Variants in CDH18 observed in about 807,000 individuals in gnomAD.
CDH18 encodes the protein cadherin 18.
In CDH18, 31 loss-of-function variants were observed where a neutral mutation model predicts 67.9. The ratio of observed to expected loss-of-function variants is 0.46; its 90% confidence interval spans 0.34 to 0.62. CDH18 has a LOEUF of 0.62. Ranked by LOEUF, CDH18 falls within the 20% of genes least tolerant of loss-of-function variation. The pLI is 0.01. For synonymous variants in CDH18, 362 were observed against 347.2 expected (o/e 1.04, Z -0.48); for missense variants, 890 against 975.5 (o/e 0.91, Z 1.17).
intron 2 of CDH18, among the ~76,000 whole-genome samples, chr5:19,900,525 AAT>A (rs1351083896): frequency 6.6e-6 from 1 of 152,178 alleles, no homozygotes; most frequent in Non-Finnish European, 1.5e-5. Flanking sequence ...ACAATTACAC[AAT>A]GTGTACATGT....
At chr5:20,484,777 G>A (rs1753057232) in intron 1 of CDH18, among the ~76,000 whole-genome samples, 2 of 152,054 alleles carry the variant, frequency 1.3e-5, no homozygotes, top group African/African-American at 2.4e-5. Flanking sequence ...ATAGAGAGTA[G>A]AACGATGGTT....
intron 4 of CDH18, among the ~76,000 whole-genome samples, chr5:19,724,810 G>T (rs553045631): frequency 1.3e-5 from 2 of 151,990 alleles, no homozygotes; most frequent in Admixed American, 1.3e-4. Flanking sequence ...TCAATATACC[G>T]CTAACCTTTC....
intron 6 of CDH18, among the ~76,000 whole-genome samples, chr5:19,592,271 G>A (rs1362845404): frequency 6.6e-6 from 1 of 151,944 alleles, no homozygotes; most frequent in East Asian, 1.9e-4. Context: ...TGTCTAATAG[G>A]TACAAAGATC....
intron 2 of CDH18, among the ~76,000 whole-genome samples, chr5:20,169,983 T>A (rs934613711): frequency 1.2e-4 from 19 of 152,100 alleles, no homozygotes; most frequent in Non-Finnish European, 1.3e-4. Flanking sequence ...AATTTTAGTG[T>A]TAAATTTTAA....
At chr5:20,546,602 C>T (rs1322479974) in intron 1 of CDH18, among the ~76,000 whole-genome samples, 6 of 152,068 alleles carry the variant, frequency 3.9e-5, no homozygotes, top group African/African-American at 1.4e-4. Flanking sequence ...CGCGATAACT[C>T]ACTCACTATC....
At chr5:20,328,207 G>T (rs1004209153) in intron 1 of CDH18, among the ~76,000 whole-genome samples, 1 of 152,130 alleles carries the variant, frequency 6.6e-6, no homozygotes, top group Non-Finnish European at 1.5e-5. Context: ...GGTTCATTCT[G>T]CCTAGCACAA....
intron 2 of CDH18, among the ~76,000 whole-genome samples, chr5:20,038,461 C>T (rs921041371): frequency 5.3e-5 from 8 of 152,066 alleles, no homozygotes; most frequent in Non-Finnish European, 8.8e-5. Context: ...ATACTGACAA[C>T]CCAAATCCAG....
intron 3 of CDH18, among the ~76,000 whole-genome samples, chr5:19,755,709 C>A (rs981398578): frequency 1.3e-5 from 2 of 151,304 alleles, no homozygotes; most frequent in African/African-American, 4.8e-5. Context: ...AGCTGAGGAG[C>A]AAGGAGAGCC....
intron 3 of CDH18, among the ~76,000 whole-genome samples, chr5:19,821,779 A>G (rs1222177235): frequency 6.6e-6 from 1 of 152,194 alleles, no homozygotes; most frequent in Non-Finnish European, 1.5e-5. Context: ...CAGAAACCTT[A>G]CAAGCCTGAA....
At chr5:20,562,375 T>C (rs1758269729) in intron 1 of CDH18, among the ~76,000 whole-genome samples, 1 of 151,716 alleles carries the variant, frequency 6.6e-6, no homozygotes, top group South Asian at 2.1e-4. Context: ...CATGAGAATA[T>C]TTGAGAAAAC....
At chr5:20,554,280 C>T (rs540487799) in intron 1 of CDH18, among the ~76,000 whole-genome samples, 3 of 152,254 alleles carry the variant, frequency 2.0e-5, no homozygotes, top group African/African-American at 7.2e-5. Flanking sequence ...CCAGGTTTGA[C>T]CCAAGGGTCA....
rs1750085017 is a variant in CDH18 at position 19,540,463 on chromosome 5, C to T, written c.1390+3406G>A. ...CCACTAGGCAGCGCCCCAGTGGAAA[C>T]TCTGTGTGGGGGCTTGCACCTCACG... On this transcript the variant is annotated intron_variant, in intron 9 of 12. Transcript: ENST00000382275. 2.0e-5 allele frequency among the ~76,000 whole-genome samples: 3 copies of T among 152,264 alleles called. No homozygotes were observed. The South Asian group carries it at 6.2e-4, about 32-fold the overall frequency.
At chr5:19,949,430 A>G (rs1795580696) in intron 2 of CDH18, among the ~76,000 whole-genome samples, 1 of 152,152 alleles carries the variant, frequency 6.6e-6, no homozygotes, top group Non-Finnish European at 1.5e-5. Flanking sequence ...AACAATATAT[A>G]AAGCAGACTG....
At chr5:19,547,737 G>C (rs1736590360) in intron 8 of CDH18, among the ~76,000 whole-genome samples, 1 of 152,270 alleles carries the variant, frequency 6.6e-6, no homozygotes, top group Middle Eastern at 3.4e-3. Flanking sequence ...TTGCTTCCGA[G>C]TTTCCTAAGC....
chr5:19,955,473 C>A (rs952093011), intron 2 of CDH18, among the ~76,000 whole-genome samples: 1 of 151,948 alleles, frequency 6.6e-6, no homozygotes, highest in Admixed American at 6.6e-5. Flanking sequence ...ATTTTATTCC[C>A]TTCCCTGTAT....
intron 2 of CDH18, among the ~76,000 whole-genome samples, chr5:20,008,782 A>G (rs748591835): frequency 1.3e-5 from 2 of 152,126 alleles, no homozygotes; most frequent in Non-Finnish European, 2.9e-5. Context: ...TTAGAATTCT[A>G]ATTTTATTAT....
chr5:20,518,105 C>A (rs1027741022), intron 1 of CDH18, among the ~76,000 whole-genome samples: 5 of 151,918 alleles, frequency 3.3e-5, no homozygotes, highest in African/African-American at 1.2e-4. Flanking sequence ...TAAGAAACAA[C>A]AGAACTGACC....
intron 1 of CDH18, among the ~76,000 whole-genome samples, chr5:19,984,919 A>C (rs1799408247): frequency 6.6e-6 from 1 of 152,186 alleles, no homozygotes. Context: ...AAACTACTCC[A>C]AGCATATAGA....
At chr5:19,903,455 G>A (rs1790151005) in intron 2 of CDH18, among the ~76,000 whole-genome samples, 1 of 149,844 alleles carries the variant, frequency 6.7e-6, no homozygotes, top group African/African-American at 2.4e-5. Context: ...TTTTGAAAAG[G>A]AACAAGCTGA....
Sources: allele counts gnomAD v4.1 joint callset (sites outside exome capture counted in the v4.1 genomes callset), GRCh38; gene constraint gnomAD v4.1.1; transcripts MANE v1.5; gene names NCBI Gene and HGNC (gene_info 2026-07-23, HGNC 2026-07-21).